CNTN4: variants seen among roughly 807,000 people sequenced by gnomAD.
CNTN4 encodes the protein contactin-4.
In CNTN4, 77 loss-of-function variants were observed where a neutral mutation model predicts 122.5. That is an observed-to-expected ratio of 0.63 (90% confidence interval 0.52 to 0.76). CNTN4 has a LOEUF of 0.76. Among genes scored for constraint, CNTN4 ranks in the 30% least tolerant of loss-of-function variants. The probability of loss-of-function intolerance (pLI) is 0.00; values close to 1 mark genes in which losing one functional copy is unlikely to be tolerated. For synonymous variants in CNTN4, 512 were observed against 447.0 expected (o/e 1.15, Z -1.83); for missense variants, 1,256 against 1,259.1 (o/e 1.00, Z 0.04).
chr3:2,720,161 A>C (rs949168088), intron 4 of CNTN4, among the ~76,000 whole-genome samples: 1 of 152,212 alleles, frequency 6.6e-6, no homozygotes. Flanking sequence ...ATTATAGGGA[A>C]TTTTTTGTTG....
At chr3:2,975,440 T>C (rs1372826337) in intron 13 of CNTN4, among the ~76,000 whole-genome samples, 2 of 152,192 alleles carry the variant, frequency 1.3e-5, no homozygotes, top group Non-Finnish European at 2.9e-5. Flanking sequence ...TTCATTTTTC[T>C]TAACTGAAAA....
At chr3:2,777,094 C>A (rs1244737738) in intron 6 of CNTN4, among the ~76,000 whole-genome samples, 2 of 152,130 alleles carry the variant, frequency 1.3e-5, no homozygotes, top group East Asian at 1.9e-4. Flanking sequence ...AATTCTCCTG[C>A]CTTAGCCTCC....
chr3:2,747,170 G>C (rs9850911), intron 6 of CNTN4, among the ~76,000 whole-genome samples: 10,938 of 151,942 alleles, frequency 0.072, 524 homozygotes, highest in African/African-American at 0.13. Context: ...AGCATTTTGG[G>C]AGGCCGAGGC....
At chr3:2,148,892 G>A (rs577876692) in intron 2 of CNTN4, among the ~76,000 whole-genome samples, 10 of 152,010 alleles carry the variant, frequency 6.6e-5, no homozygotes, top group South Asian at 6.2e-4. Context: ...AACATTTAGC[G>A]GAATTACCTT....
chr3:2,334,034 G>A (rs1559462407), intron 2 of CNTN4, among the ~76,000 whole-genome samples: 1 of 152,138 alleles, frequency 6.6e-6, no homozygotes, highest in African/African-American at 2.4e-5. Flanking sequence ...TAAGAATACG[G>A]ACAGTTGTTA....
chr3:2,443,979 G>T (rs948052821), intron 3 of CNTN4, among the ~76,000 whole-genome samples: 7 of 152,078 alleles, frequency 4.6e-5, no homozygotes, highest in African/African-American at 1.7e-4. Context: ...GTATCATTTT[G>T]TCAGGAAACC....
Position 2,576,067 on chromosome 3 carries a change from C to T in CNTN4, c.55+4509C>T, listed in dbSNP as rs1462008094. Among the ~76,000 whole-genome samples, 4 of 152,076 alleles carry T rather than the reference C, an allele frequency of 2.6e-5. No individual in the cohort carries two copies. The East Asian group carries it at 7.7e-4, about 29-fold the overall frequency. On this transcript the variant is annotated intron_variant, in intron 4 of 24. Coordinates refer to ENST00000418658, the MANE Select transcript of CNTN4 (RefSeq NM_175607.3). ...AGCCAGGATGGTCTCGATCTCCTGA[C>T]CTTGTGATCTGCCCACCTCGGCCTC...
Position 2,906,560 on chromosome 3 carries a change from G to A in CNTN4, c.1207+3555G>A, listed in dbSNP as rs143713909. 1.1e-3 allele frequency among the ~76,000 whole-genome samples: 164 copies of A among 152,130 alleles called. 2 individuals carry two copies. The highest frequency in any genetic ancestry group is 3.6e-3 in the African/African-American group (149 of 41,526). Reference sequence around the variant, plus strand: ...AACTTGAAAAAGAAAGATGGTGGCCGGGCACGGTGGCTCACAGCTGTAATC... The same window carrying A: ...AACTTGAAAAAGAAAGATGGTGGCCAGGCACGGTGGCTCACAGCTGTAATC... On this transcript the variant is annotated intron_variant, in intron 12 of 24. Transcript: ENST00000418658.
At chr3:2,848,507 G>A (rs1316930247) in intron 7 of CNTN4, among the ~76,000 whole-genome samples, 2 of 152,206 alleles carry the variant, frequency 1.3e-5, no homozygotes, top group South Asian at 2.1e-4. Context: ...TATGTCTGTT[G>A]TTTAAGTGTT....
chr3:2,133,130 G>A (rs2034528743), intron 2 of CNTN4, among the ~76,000 whole-genome samples: 1 of 152,064 alleles, frequency 6.6e-6, no homozygotes, highest in South Asian at 2.1e-4. Context: ...GGAGGAGGAA[G>A]CAACTAAGGG....
intron 7 of CNTN4, among the ~76,000 whole-genome samples, chr3:2,834,540 C>A (rs149359230): frequency 6.6e-6 from 1 of 152,120 alleles, no homozygotes; most frequent in African/African-American, 2.4e-5. Context: ...GTACTCCAGC[C>A]TGGGCAACAC....
chr3:2,630,100 C>T (rs2728070), intron 4 of CNTN4, among the ~76,000 whole-genome samples: 108,079 of 152,064 alleles, frequency 0.71, 39,293 homozygotes, highest in African/African-American at 0.85. Flanking sequence ...CACACAACAA[C>T]AGCAGCATTG....
At chr3:2,270,709 T>G (rs903395851) in intron 2 of CNTN4, among the ~76,000 whole-genome samples, 1 of 124,214 alleles carries the variant, frequency 8.1e-6, no homozygotes, top group Non-Finnish European at 2.0e-5. Flanking sequence ...TAAGGAAGAC[T>G]GAAGGCTAGT....
At chr3:2,186,178 G>A (rs1207131943) in intron 2 of CNTN4, among the ~76,000 whole-genome samples, 1 of 150,376 alleles carries the variant, frequency 6.6e-6, no homozygotes, top group African/African-American at 2.5e-5. Context: ...AGAACATGCA[G>A]TGTTTGGTTT....
intron 3 of CNTN4, among the ~76,000 whole-genome samples, chr3:2,481,027 T>A (rs1411445974): frequency 7.0e-6 from 1 of 142,328 alleles, no homozygotes; most frequent in African/African-American, 2.6e-5. Context: ...CTTTCTTTTC[T>A]TTTTCTTTTC....
chr3:3,009,106 G>T (rs1295262880), intron 14 of CNTN4: 2 of 875,596 alleles, frequency 2.3e-6, no homozygotes, highest in African/African-American at 1.8e-5. Flanking sequence ...ACCATGCCTT[G>T]CCCTGGCATG....
intron 4 of CNTN4, among the ~76,000 whole-genome samples, chr3:2,681,562 A>G (rs1306963049): frequency 6.6e-6 from 1 of 152,114 alleles, no homozygotes; most frequent in Non-Finnish European, 1.5e-5. Flanking sequence ...ATGGACCCCA[A>G]CCTAAATACC....
intron 3 of CNTN4, among the ~76,000 whole-genome samples, chr3:2,340,902 G>A (rs1158989299): frequency 6.6e-6 from 1 of 151,868 alleles, no homozygotes; most frequent in African/African-American, 2.4e-5. Flanking sequence ...GGGATCAGCT[G>A]CTTGGGTCTT....
At chr3:2,166,488 C>A (rs1359319540) in intron 2 of CNTN4, among the ~76,000 whole-genome samples, 1 of 151,938 alleles carries the variant, frequency 6.6e-6, no homozygotes, top group East Asian at 1.9e-4. Flanking sequence ...ACCTGACAGC[C>A]AAATTTGGTA....
Sources: allele counts gnomAD v4.1 joint callset (sites outside exome capture counted in the v4.1 genomes callset), GRCh38; gene constraint gnomAD v4.1.1; transcripts MANE v1.5; gene names NCBI Gene and HGNC (gene_info 2026-07-23, HGNC 2026-07-21).